Variants in SCIN observed in about 807,000 individuals in gnomAD.
SCIN encodes scinderin.
In SCIN, 91 loss-of-function variants were observed where a neutral mutation model predicts 91.8. The observed-to-expected ratio is 0.99, with a 90% CI of 0.84 to 1.18. SCIN has a LOEUF of 1.18. SCIN is among the 50% of genes most tolerant of loss of function. The pLI is 0.00. For missense variants in SCIN, 1,087 were observed against 863.9 expected (o/e 1.26, Z -3.24); for synonymous variants, 367 against 312.6 (o/e 1.17, Z -1.84).
At chr7:12,626,892 T>A (rs1461374695) in intron 8 of SCIN, 93 bp downstream of exon 8, 4 of 1,133,160 alleles carry the variant, frequency 3.5e-6, no homozygotes, top group Non-Finnish European at 5.1e-6. Flanking sequence ...GAGTTCGAGA[T>A]CAGCCTGGCC....
chr7:12,639,534 C>CATGA (rs2115291993), intron 10 of SCIN, among the ~76,000 whole-genome samples: 1 of 152,242 alleles, frequency 6.6e-6, no homozygotes, highest in Non-Finnish European at 1.5e-5. Context: ...GGGAGACTGA[C>CATGA]ATGAAATTTG....
In SCIN at chr7:12,654,941, C is replaced by T. The variant is rs1367482367; in HGVS notation, c.*2226C>T. On this transcript the variant is annotated 3_prime_UTR_variant, in exon 16 of 16. Coordinates refer to ENST00000297029, the MANE Select transcript of SCIN (RefSeq NM_001112706.3). ...GCATCACGGCAAAGATGCATGTACT[C>T]ATGAAGCATAAAATTAAAAATATGA... 1 of 152,166 alleles carries T rather than the reference C, an allele frequency of 6.6e-6. No homozygotes were observed. The highest frequency in any genetic ancestry group is 1.5e-5 in the Non-Finnish European group (1 of 68,018). 9.4% of individuals were successfully genotyped at this position (152,166 alleles called of 1,614,324 possible).
At chr7:12,648,970 A>G (rs950535092) in intron 13 of SCIN, among the ~76,000 whole-genome samples, 4 of 152,182 alleles carry the variant, frequency 2.6e-5, no homozygotes, top group African/African-American at 9.7e-5. Flanking sequence ...AATTTTTTAT[A>G]TAAGACCAGT....
chr7:12,596,093 G>A (rs1441948879), intron 3 of SCIN, among the ~76,000 whole-genome samples: 1 of 152,166 alleles, frequency 6.6e-6, no homozygotes, highest in Non-Finnish European at 1.5e-5. Flanking sequence ...CAGGTACCAA[G>A]GTCAAGCGCG....
intron 9 of SCIN, among the ~76,000 whole-genome samples, chr7:12,630,487 C>G (rs1381525677): frequency 6.6e-6 from 1 of 152,246 alleles, no homozygotes; most frequent in Non-Finnish European, 1.5e-5. Flanking sequence ...ATCAAAATCT[C>G]AGCTGGGGGG....
rs1211102462 is a variant in SCIN at position 12,653,149 on chromosome 7, A to G, written c.*434A>G. 2 of 152,380 alleles carry G rather than the reference A, an allele frequency of 1.3e-5. No individual in the cohort carries two copies. The highest frequency in any genetic ancestry group is 4.8e-5 in the African/African-American group (2 of 41,346). The allele number at this position is 152,380 out of a possible 1,614,324, so 9.4% of individuals were successfully genotyped here. A position where few individuals can be genotyped will look rare whatever the true frequency, so the allele number is the denominator to read the frequency against. On this transcript the variant is annotated 3_prime_UTR_variant, in exon 16 of 16. Coordinates refer to ENST00000297029, the MANE Select transcript of SCIN (RefSeq NM_001112706.3). This position sits in a 1 kb window ranked among gnomAD's most constrained non-coding sequence, Gnocchi z 4.1. ...ACCTCAACCAAACGCCTATTTTTTA[A>G]TGCTTAGTTTTGGCTTGAAATTCTT... is the stretch of plus-strand genomic sequence containing the variant.
At chr7:12,627,728 G>C (rs1480270777) in intron 8 of SCIN, among the ~76,000 whole-genome samples, 5 of 152,140 alleles carry the variant, frequency 3.3e-5, no homozygotes, top group Admixed American at 3.3e-4. Context: ...ATTGACTTCT[G>C]GGTCTGCATC....
In SCIN at chr7:12,651,700, G is replaced by C; in HGVS notation, c.1960-141G>C. On this transcript the variant is annotated intron_variant, in intron 14 of 15. Transcript: ENST00000297029. This position sits in a 1 kb window ranked among gnomAD's most constrained non-coding sequence, Gnocchi z 5.9. ...CTGGGAAAGTGATGGTACCTCTCTG[G>C]GCCACCACCTCCACGTCCCTAACTT... 3.4e-6 allele frequency: 2 copies of C among 582,932 alleles called. No homozygotes were observed. Among genetic ancestry groups the C allele is most frequent in the Non-Finnish European group, 6.1e-6 (2 of 326,722 alleles). The allele number at this position is 582,932 out of a possible 1,614,324, so 36.1% of individuals were successfully genotyped here.
chr7:12,622,690 A>T, intron 4 of SCIN, 111 bp from the exon 5 acceptor site: 1 of 750,484 alleles, frequency 1.3e-6, no homozygotes, highest in Non-Finnish European at 2.2e-6. Context: ...GAGCCTGGTC[A>T]TTTTAATTGC....
intron 9 of SCIN, among the ~76,000 whole-genome samples, chr7:12,634,393 G>C (rs1783705933): frequency 6.6e-6 from 1 of 151,904 alleles, no homozygotes; most frequent in African/African-American, 2.4e-5. Context: ...GCTGAGGCAG[G>C]AGAATCACTT....
At chr7:12,583,276 T>C (rs1782525684) in intron 3 of SCIN, among the ~76,000 whole-genome samples, 1 of 152,174 alleles carries the variant, frequency 6.6e-6, no homozygotes, top group Admixed American at 6.5e-5. Flanking sequence ...TTTTTACATC[T>C]TGACTCTGAT....
In SCIN at chr7:12,648,985, A is replaced by G. The variant is rs536394083; in HGVS notation, c.1882-482A>G. ...AATTTTTTATATAAGACCAGTGTATACTGACAGTGATTTGATTGGTTACAG... is the reference window on the plus strand; with the variant it reads ...AATTTTTTATATAAGACCAGTGTATGCTGACAGTGATTTGATTGGTTACAG... On this transcript the variant is annotated intron_variant, in intron 13 of 15. Transcript: ENST00000297029. Among the ~76,000 whole-genome samples, 79 of 152,290 alleles carry G rather than the reference A, an allele frequency of 5.2e-4. 1 individual carries two copies. Among genetic ancestry groups the G allele is most frequent in the African/African-American group, 1.8e-3 (75 of 41,550 alleles).
chr7:12,604,723 G>GGTGT lies in SCIN; in HGVS notation c.666+73_666+76dup, dbSNP rs78612532. On this transcript the variant is annotated intron_variant, in intron 4 of 15. Transcript: ENST00000297029. ...CACTCCAACTCGTATGTGTCTGTGT[G>GGTGT]GTGTGTGTGTGTGTGTAAGGCAGCA... The GGTGT allele has an allele frequency of 2.2e-3, 1,984 of 905,948 alleles. 1 individual carries two copies. The highest frequency in any genetic ancestry group is 6.4e-3 in the South Asian group (268 of 41,794). 56.1% of individuals were successfully genotyped at this position (905,948 alleles called of 1,614,324 possible).
chr7:12,646,072 C>G, intron 13 of SCIN, among the ~76,000 whole-genome samples: 1 of 152,124 alleles, frequency 6.6e-6, no homozygotes, highest in East Asian at 1.9e-4. Context: ...GGGCAAAAAT[C>G]ACAGAAAGCT....
At chr7:12,574,935 G>T (rs1031490888) in intron 1 of SCIN, among the ~76,000 whole-genome samples, 1 of 152,130 alleles carries the variant, frequency 6.6e-6, no homozygotes, top group African/African-American at 2.4e-5. Flanking sequence ...GTGAAGGATT[G>T]ACATCATTAT....
intron 4 of SCIN, among the ~76,000 whole-genome samples, chr7:12,609,698 G>A (rs920776392): frequency 2.0e-5 from 3 of 152,050 alleles, no homozygotes; most frequent in Non-Finnish European, 2.9e-5. Context: ...TAATGAATTC[G>A]TTAAGCCTAT....
rs895420375 is a variant in SCIN, at chr7:12,651,521, G to GA, written c.1960-310dup. On this transcript the variant is annotated intron_variant, in intron 14 of 15. Coordinates refer to ENST00000297029, the MANE Select transcript of SCIN (RefSeq NM_001112706.3). The surrounding 1 kb of genome is among the most constrained non-coding windows in gnomAD (Gnocchi z 5.9). ...TGCTGTCACACCCTAGGGGGTGGAT[G>GA]AAAAAAAAAAGTCCACCCAGACAAT... Among the ~76,000 whole-genome samples the GA allele has an allele frequency of 0.013, 1,963 of 146,270 alleles. 50 individuals are homozygous for GA. Among genetic ancestry groups the GA allele is most frequent in the African/African-American group, 0.047 (1,860 of 39,990 alleles).
chr7:12,639,943 A>G (rs558325785), intron 10 of SCIN, among the ~76,000 whole-genome samples: 1 of 152,360 alleles, frequency 6.6e-6, no homozygotes, highest in East Asian at 1.9e-4. Flanking sequence ...GTGAGATTCT[A>G]GTACCTCTGT....
chr7:12,636,050 G>A lies in SCIN; in HGVS notation c.1325G>A (p.Gly442Glu). 1 of 1,611,750 alleles carries A rather than the reference G, an allele frequency of 6.2e-7. No homozygotes were observed. The highest frequency in any genetic ancestry group is 8.5e-7 in the Non-Finnish European group (1 of 1,179,028). ...PRGQIIYTWQ[G>E]ANATRDELTT... The stretch of plus-strand genomic sequence containing the variant: ...TTTCACTTTCATTCCTCTAGGCAAG[G>A]AGCAAATGCCACACGAGATGAGCTG... The change falls in exon 10 of 16, where the codon GGA (glycine) becomes GAA (glutamate). Residue 442 changes from glycine to glutamate, a missense_variant. Gly to Glu is a moderately conservative substitution (Grantham distance 98, BLOSUM62 -2). Coordinates refer to ENST00000297029, the MANE Select transcript of SCIN (RefSeq NM_001112706.3).
Sources: allele counts gnomAD v4.1 joint callset (sites outside exome capture counted in the v4.1 genomes callset), GRCh38; gene constraint gnomAD v4.1.1; non-coding constraint Gnocchi (gnomAD v3.1); transcripts MANE v1.5; gene names NCBI Gene and HGNC (gene_info 2026-07-23, HGNC 2026-07-21).